Variants in CCDC85C observed in about 807,000 individuals in gnomAD.
CCDC85C encodes coiled-coil domain containing 85C.
CCDC85C carries 18 observed loss-of-function variants against 38.3 expected under a neutral mutation model. That is an observed-to-expected ratio of 0.47 (90% confidence interval 0.33 to 0.70). The LOEUF is 0.70. Ranked by LOEUF, CCDC85C falls within the 30% of genes least tolerant of loss-of-function variation. The pLI is 0.03. For synonymous variants in CCDC85C, 264 were observed against 293.8 expected, an observed-to-expected ratio of 0.90 and a Z score of 1.04; for missense variants, 566 against 621.2, an observed-to-expected ratio of 0.91 and a Z score of 0.94.
Position 99,604,016 on chromosome 14 carries a change from G to C in CCDC85C, c.-57C>G, listed in dbSNP as rs1438968200. 9.7e-6 allele frequency: 11 copies of C among 1,138,560 alleles called. No homozygotes were observed. Among genetic ancestry groups the C allele is most frequent in the Non-Finnish European group, 1.2e-5 (11 of 930,000 alleles). The allele number at this position is 1,138,560 out of a possible 1,614,324, so 70.5% of individuals were successfully genotyped here. A position where few individuals can be genotyped will look rare whatever the true frequency, so the allele number is the denominator to read the frequency against. Reference sequence around the variant, plus strand: ...CCTCGCCCGGCCGGCGCTTCCCCGCGCCGGGGCTCCGCTGGGCCGGTCCGC... The same window carrying C: ...CCTCGCCCGGCCGGCGCTTCCCCGCCCCGGGGCTCCGCTGGGCCGGTCCGC... On this transcript the variant is annotated 5_prime_UTR_variant, in exon 1 of 6. Transcript: ENST00000380243.
At position 99,516,862 on chromosome 14, in the gene CCDC85C, T is replaced by C. The variant is rs1198325821; in HGVS notation, c.1071+226A>G. 6.6e-6 allele frequency among the ~76,000 whole-genome samples: 1 copy of C among 152,102 alleles called. No individual in the cohort carries two copies. Among genetic ancestry groups the C allele is most frequent in the Non-Finnish European group, 1.5e-5 (1 of 68,008 alleles). ...CCCTCCCCGACCCCAGGCCTCAGTC[T>C]TGTTAGGTGCAGTAGCTCAGGGATG... On this transcript the variant is annotated intron_variant, in intron 4 of 5. Transcript: ENST00000380243. This position sits in a 1 kb window ranked among gnomAD's most constrained non-coding sequence, Gnocchi z 5.5.
chr14:99,510,377 C>T lies in CCDC85C; in HGVS notation c.*4869G>A, dbSNP rs1363849142. ...ACATGTCTGGAGAGGGCTACCAGAGCCTGCAGTCCATGATGAAGACCGAGG... is the reference window on the plus strand; with the variant it reads ...ACATGTCTGGAGAGGGCTACCAGAGTCTGCAGTCCATGATGAAGACCGAGG... On this transcript the variant is annotated 3_prime_UTR_variant, in exon 6 of 6. Coordinates refer to ENST00000380243, the MANE Select transcript of CCDC85C (RefSeq NM_001144995.2). 3.8e-6 allele frequency: 6 copies of T among 1,580,654 alleles called. No homozygotes were observed. The highest frequency in any genetic ancestry group is 5.1e-6 in the Non-Finnish European group (6 of 1,165,054).
In CCDC85C at chr14:99,510,246, C is replaced by A. The variant is rs747181950; in HGVS notation, c.*5000G>T. 1.3e-6 allele frequency: 2 copies of A among 1,581,612 alleles called. No homozygotes were observed. The highest frequency in any genetic ancestry group is 2.3e-5 in the East Asian group (1 of 43,580). ...TGACCTCCCCAAAGTCCAGATTCCCCCTCCGGCCCACCCGGCCCCTGTGCA... is the reference window on the plus strand; with the variant it reads ...TGACCTCCCCAAAGTCCAGATTCCCACTCCGGCCCACCCGGCCCCTGTGCA... On this transcript the variant is annotated 3_prime_UTR_variant, in exon 6 of 6. Coordinates refer to ENST00000380243, the MANE Select transcript of CCDC85C (RefSeq NM_001144995.2).
At chr14:99,584,166 T>C (rs1185963844) in intron 1 of CCDC85C, among the ~76,000 whole-genome samples, 1 of 152,186 alleles carries the variant, frequency 6.6e-6, no homozygotes, top group Non-Finnish European at 1.5e-5. Context: ...CAGCTGGGAC[T>C]ACAGGTGCGC....
In CCDC85C at chr14:99,503,348, T is replaced by C; in HGVS notation, c.*11898A>G. ...ACCGTTTCCTGCACCCAAGTGGTCC[T>C]GAAACTTAGTGTTTACTCAGAACTC... On this transcript the variant is annotated 3_prime_UTR_variant, in exon 6 of 6. Transcript: ENST00000380243. 1.7e-6 allele frequency: 1 copy of C among 601,562 alleles called. No homozygotes were observed. The highest frequency in any genetic ancestry group is 3.0e-6 in the Non-Finnish European group (1 of 337,916). The allele number at this position is 601,562 out of a possible 1,614,324, so 37.3% of individuals were successfully genotyped here. A position where few individuals can be genotyped will look rare whatever the true frequency, so the allele number is the denominator to read the frequency against.
Position 99,502,596 on chromosome 14 carries a change from G to A in CCDC85C, c.*12650C>T. 8.3e-7 allele frequency: 1 copy of A among 1,205,992 alleles called. No individual in the cohort carries two copies. Among genetic ancestry groups the A allele is most frequent in the Non-Finnish European group, 1.2e-6 (1 of 857,744 alleles). The allele number at this position is 1,205,992 out of a possible 1,614,324, so 74.7% of individuals were successfully genotyped here. A position where few individuals can be genotyped will look rare whatever the true frequency, so the allele number is the denominator to read the frequency against. On this transcript the variant is annotated 3_prime_UTR_variant, in exon 6 of 6. Transcript: ENST00000380243. Reference sequence around the variant, plus strand: ...CAGTGTTGCACACAACGAAGATGGGGTGAGTTGTAAATGTGATTCATGCTT... The same window carrying A: ...CAGTGTTGCACACAACGAAGATGGGATGAGTTGTAAATGTGATTCATGCTT...
chr14:99,526,948 A>C (rs1466541233), intron 2 of CCDC85C, among the ~76,000 whole-genome samples: 2 of 148,850 alleles, frequency 1.3e-5, no homozygotes, highest in East Asian at 4.0e-4. Context: ...TCCGGCCCCA[A>C]ACTAAAGCCC....
At chr14:99,579,781 C>A (rs1030852935) in intron 1 of CCDC85C, among the ~76,000 whole-genome samples, 5 of 152,256 alleles carry the variant, frequency 3.3e-5, no homozygotes, top group African/African-American at 1.2e-4. Flanking sequence ...GCTGTCACCT[C>A]TCCTGATTCC....
chr14:99,566,629 C>T (rs1435789055), intron 1 of CCDC85C, among the ~76,000 whole-genome samples: 1 of 152,200 alleles, frequency 6.6e-6, no homozygotes, highest in Non-Finnish European at 1.5e-5. Context: ...TACATCAGGA[C>T]AGCCTCATGG....
chr14:99,564,884 C>T (rs965989890), intron 1 of CCDC85C, among the ~76,000 whole-genome samples: 2 of 152,140 alleles, frequency 1.3e-5, no homozygotes, highest in African/African-American at 2.4e-5. Flanking sequence ...GTGGGGAGGG[C>T]GTGGGGACAA....
chr14:99,560,300 G>C (rs989509492), intron 1 of CCDC85C, among the ~76,000 whole-genome samples: 2 of 152,238 alleles, frequency 1.3e-5, no homozygotes, highest in African/African-American at 4.8e-5. Flanking sequence ...GCAGCCAGGA[G>C]GTGGGAGGGT....
At chr14:99,538,977 C>G (rs1897659940) in intron 1 of CCDC85C, among the ~76,000 whole-genome samples, 1 of 152,210 alleles carries the variant, frequency 6.6e-6, no homozygotes, top group Non-Finnish European at 1.5e-5. Context: ...GCCACACACC[C>G]ACGGCCCCAG....
chr14:99,562,943 C>T (rs139491882), intron 1 of CCDC85C, among the ~76,000 whole-genome samples: 6 of 152,128 alleles, frequency 3.9e-5, no homozygotes, highest in East Asian at 3.9e-4. Context: ...CTTGACACTG[C>T]GGAAAGAGTA....
rs369119697 is a variant in CCDC85C, at chr14:99,589,981, A to G, written c.793+13186T>C. Among the ~76,000 whole-genome samples the G allele has an allele frequency of 7.9e-5, 12 of 152,192 alleles. No homozygotes were observed. In the East Asian group the frequency reaches 1.3e-3, roughly 17 times the overall value. On this transcript the variant is annotated intron_variant, in intron 1 of 5. Coordinates refer to ENST00000380243, the MANE Select transcript of CCDC85C (RefSeq NM_001144995.2). ...CTCCCTCTGCCTCCTTCCTGCTCAGAGGTTGGGTTGCACCAAACAAGAGGT... is the reference window on the plus strand; with the variant it reads ...CTCCCTCTGCCTCCTTCCTGCTCAGGGGTTGGGTTGCACCAAACAAGAGGT...
Position 99,572,662 on chromosome 14 carries a change from C to T in CCDC85C, c.793+30505G>A, listed in dbSNP as rs78072997. 1.1e-4 allele frequency: 50 copies of T among 455,892 alleles called. No homozygotes were observed. The highest frequency in any genetic ancestry group is 6.5e-4 in the South Asian group (42 of 64,544). 28.2% of individuals were successfully genotyped at this position (455,892 alleles called of 1,614,324 possible). A position where few individuals can be genotyped will look rare whatever the true frequency, so the allele number is the denominator to read the frequency against. The stretch of plus-strand genomic sequence containing the variant: ...ATCATCCAAGCCCCAGGTGACCTGG[C>T]CCCTCCTTAAGAGGCCTCCCCTGCC... On this transcript the variant is annotated intron_variant, in intron 1 of 5. Coordinates refer to ENST00000380243, the MANE Select transcript of CCDC85C (RefSeq NM_001144995.2). This position sits in a 1 kb window ranked among gnomAD's most constrained non-coding sequence, Gnocchi z 4.4.
Position 99,503,367 on chromosome 14 carries a change from A to G in CCDC85C, c.*11879T>C, listed in dbSNP as rs1000541714. 8.1e-5 allele frequency: 49 copies of G among 602,842 alleles called. No individual in the cohort carries two copies. The East Asian group carries it at 9.4e-4, about 12-fold the overall frequency. 37.3% of individuals were successfully genotyped at this position (602,842 alleles called of 1,614,324 possible). ...TGGTCCTGAAACTTAGTGTTTACTC[A>G]GAACTCACCATTCAGGAAAGCTAGT... is the stretch of plus-strand genomic sequence containing the variant. On this transcript the variant is annotated 3_prime_UTR_variant, in exon 6 of 6. Transcript: ENST00000380243.
rs2139945771 is a variant in CCDC85C, at chr14:99,558,286, C to T, written c.794-22198G>A. Among the ~76,000 whole-genome samples, 1 of 152,314 alleles carries T rather than the reference C, an allele frequency of 6.6e-6. No individual in the cohort carries two copies. Among genetic ancestry groups the T allele is most frequent in the East Asian group, 1.9e-4 (1 of 5,188 alleles). On this transcript the variant is annotated intron_variant, in intron 1 of 5. Transcript: ENST00000380243. This position sits in a 1 kb window ranked among gnomAD's most constrained non-coding sequence, Gnocchi z 4.2. ...AGCAGTGTCCTTCCAAATTCATGTC[C>T]GCCCAGAACCTCAGAATGTGATCTT...
At chr14:99,580,269 G>A in intron 1 of CCDC85C, 2 of 385,776 alleles carry the variant, frequency 5.2e-6, no homozygotes, top group Non-Finnish European at 1.0e-5. Flanking sequence ...GACCAGCTAA[G>A]ATATAGTGCT....
rs1298008796 is a variant in CCDC85C at position 99,588,008 on chromosome 14, C to T, written c.793+15159G>A. 6.6e-6 allele frequency among the ~76,000 whole-genome samples: 1 copy of T among 152,180 alleles called. No individual in the cohort carries two copies. The highest frequency in any genetic ancestry group is 1.5e-5 in the Non-Finnish European group (1 of 68,036). On this transcript the variant is annotated intron_variant, in intron 1 of 5. Transcript: ENST00000380243. This position sits in a 1 kb window ranked among gnomAD's most constrained non-coding sequence, Gnocchi z 5.0. ...AGTGCCCTCTGGTCTCCCCTCAGCC[C>T]TTCCAGCTCGCCTGTGCCTGCCAGC...
Sources: allele counts gnomAD v4.1 joint callset (sites outside exome capture counted in the v4.1 genomes callset), GRCh38; gene constraint gnomAD v4.1.1; non-coding constraint Gnocchi (gnomAD v3.1); transcripts MANE v1.5; gene names NCBI Gene and HGNC (gene_info 2026-07-23, HGNC 2026-07-21).